The following MSL2 variants were observed in gnomAD, a reference collection of about 807,000 sequenced individuals.
MSL2 encodes the protein MSL complex subunit 2.
A neutral mutation model predicts 35.8 loss-of-function variants in MSL2; 2 were observed. The ratio of observed to expected loss-of-function variants is 0.06; its 90% CI spans 0.02 to 0.18. The LOEUF is 0.18. Among genes scored for constraint, MSL2 ranks in the 10% least tolerant of loss-of-function variants. The pLI, the probability that MSL2 is intolerant of heterozygous loss-of-function variation, is 1.00. For missense variants in MSL2, 523 were observed against 706.7 expected (o/e 0.74, Z 2.95); for synonymous variants, 296 against 255.7 (o/e 1.16, Z -1.50).
Position 136,151,964 on chromosome 3 carries a change from A to G in MSL2, c.917T>C (p.Leu306Pro), listed in dbSNP as rs371573341. Residue 306 changes from leucine (L) to proline (P), a missense_variant, in exon 2 of 2, where the codon CTT becomes CCT. Physicochemically the swap from Leu to Pro is moderately conservative, Grantham distance 98. Coordinates refer to ENST00000309993, the MANE Select transcript of MSL2 (RefSeq NM_018133.4). This position sits in a 1 kb window ranked among gnomAD's most constrained non-coding sequence, Gnocchi z 5.2. Reference protein sequence around the residue: ...ATVSNGPFLQLSSQSLSHNVF... With the variant: ...ATVSNGPFLQPSSQSLSHNVF... ...ATTATGGCTAAGAGACTGGGAAGAA[A>G]GCTGCAGAAAAGGTCCATTGGATAC... 5.0e-6 allele frequency: 8 copies of G among 1,614,262 alleles called. No homozygotes were observed. Among genetic ancestry groups the G allele is most frequent in the Non-Finnish European group, 6.8e-6 (8 of 1,180,050 alleles).
intron 1 of MSL2, among the ~76,000 whole-genome samples, chr3:136,180,323 T>C (rs553385240): frequency 6.6e-6 from 1 of 152,294 alleles, no homozygotes; most frequent in East Asian, 1.9e-4. Flanking sequence ...GAACAGTCTC[T>C]GGTCTCCAAA....
intron 1 of MSL2, among the ~76,000 whole-genome samples, chr3:136,171,002 C>A (rs1940010572): frequency 4.6e-5 from 7 of 152,126 alleles, no homozygotes. Flanking sequence ...ACTTTCTGTT[C>A]CATCCCGAAA....
At chr3:136,178,719 G>A (rs538923014) in intron 1 of MSL2, among the ~76,000 whole-genome samples, 1 of 142,550 alleles carries the variant, frequency 7.0e-6, no homozygotes, top group Admixed American at 7.2e-5. Context: ...ATTTTTAGTA[G>A]AGACGGGGTT....
intron 1 of MSL2, among the ~76,000 whole-genome samples, chr3:136,191,964 G>A (rs1940702173): frequency 6.6e-6 from 1 of 152,126 alleles, no homozygotes; most frequent in African/African-American, 2.4e-5. Context: ...TTCCTCTGAG[G>A]CTGTCATAAA....
chr3:136,159,122 G>A (rs1273287548), intron 1 of MSL2, among the ~76,000 whole-genome samples: 1 of 152,052 alleles, frequency 6.6e-6, no homozygotes, highest in Non-Finnish European at 1.5e-5. Flanking sequence ...TGGAATCACA[G>A]AGGACAGGCA....
At chr3:136,192,058 A>G (rs1402258122) in intron 1 of MSL2, among the ~76,000 whole-genome samples, 1 of 152,248 alleles carries the variant, frequency 6.6e-6, no homozygotes, top group Non-Finnish European at 1.5e-5. Context: ...TGTCTTCCCT[A>G]AAAAGTTTAT....
At chr3:136,189,046 G>A (rs894215129) in intron 1 of MSL2, among the ~76,000 whole-genome samples, 1 of 133,730 alleles carries the variant, frequency 7.5e-6, no homozygotes. Context: ...TTTTTCTTAG[G>A]AGATTTTCCT....
Position 136,195,565 on chromosome 3 carries a change from G to C in MSL2, c.-452C>G. 1 of 998,842 alleles carries C rather than the reference G, an allele frequency of 1.0e-6. No individual in the cohort carries two copies. Among genetic ancestry groups the C allele is most frequent in the Non-Finnish European group, 1.2e-6 (1 of 838,806 alleles). 61.9% of individuals were successfully genotyped at this position (998,842 alleles called of 1,614,324 possible). A position where few individuals can be genotyped will look rare whatever the true frequency, so the allele number is the denominator to read the frequency against. ...CTGAGGCGCGGCACGCTTCTCCCGG[G>C]CTGCAGGGCCTCTTACTCCATCCCA... is the stretch of plus-strand genomic sequence containing the variant. On this transcript the variant is annotated 5_prime_UTR_variant, in exon 1 of 2. Transcript: ENST00000309993.
chr3:136,157,188 G>A (rs1008427977), intron 1 of MSL2, among the ~76,000 whole-genome samples: 1 of 150,096 alleles, frequency 6.7e-6, no homozygotes, highest in African/African-American at 2.4e-5. Flanking sequence ...CACTTTGGGA[G>A]GCCAAGGTGG....
chr3:136,149,410 A>T lies in MSL2; in HGVS notation c.*1737T>A, dbSNP rs1263114462. 6.6e-6 allele frequency: 1 copy of T among 152,578 alleles called. No homozygotes were observed. Among genetic ancestry groups the T allele is most frequent in the Non-Finnish European group, 1.5e-5 (1 of 68,024 alleles). 9.5% of individuals were successfully genotyped at this position (152,578 alleles called of 1,614,324 possible). ...CTTAAAGGAATTAAATAAAATTCCA[A>T]ATCTTGGAAAGCAAATAAAGACAAG... On this transcript the variant is annotated 3_prime_UTR_variant, in exon 2 of 2. Coordinates refer to ENST00000309993, the MANE Select transcript of MSL2 (RefSeq NM_018133.4).
intron 1 of MSL2, among the ~76,000 whole-genome samples, chr3:136,189,292 C>T (rs2108095872): frequency 6.8e-6 from 1 of 146,558 alleles, no homozygotes; most frequent in African/African-American, 2.5e-5. Flanking sequence ...GAACAAGACC[C>T]TGTCTCGAGA....
At chr3:136,174,304 A>G (rs746900574) in intron 1 of MSL2, among the ~76,000 whole-genome samples, 1 of 152,220 alleles carries the variant, frequency 6.6e-6, no homozygotes, top group Non-Finnish European at 1.5e-5. Flanking sequence ...CATGGATTAC[A>G]TAACTGGGTA....
chr3:136,191,017 G>A (rs1363413149), intron 1 of MSL2, among the ~76,000 whole-genome samples: 1 of 152,152 alleles, frequency 6.6e-6, no homozygotes, highest in Non-Finnish European at 1.5e-5. Context: ...TAACAAAACT[G>A]TAACTGCAAT....
intron 1 of MSL2, among the ~76,000 whole-genome samples, chr3:136,193,032 C>CA (rs1357565760): frequency 6.6e-6 from 1 of 152,140 alleles, no homozygotes; most frequent in South Asian, 2.1e-4. Context: ...AAGCAGAACT[C>CA]ACGATCTTTT....
chr3:136,173,107 G>C (rs1940074349), intron 1 of MSL2, among the ~76,000 whole-genome samples: 1 of 152,134 alleles, frequency 6.6e-6, no homozygotes, highest in African/African-American at 2.4e-5. Flanking sequence ...AGGTTGCAGT[G>C]AGCTGAGATC....
chr3:136,177,518 C>CA (rs1028448337), intron 1 of MSL2, among the ~76,000 whole-genome samples: 6 of 151,274 alleles, frequency 4.0e-5, no homozygotes, highest in Non-Finnish European at 7.4e-5. Flanking sequence ...ACTAAAAATA[C>CA]AAAAAACAAA....
chr3:136,195,931 T>G lies in MSL2; in HGVS notation c.-818A>C. On this transcript the variant is annotated 5_prime_UTR_variant, in exon 1 of 2. Transcript: ENST00000309993. ...CGCCCCTCGCGCCTCAGTCGCACAC[T>G]CCGGGGTCACCAGACTCAAGCGCCG... 1.8e-6 allele frequency: 1 copy of G among 570,806 alleles called. No individual in the cohort carries two copies. The highest frequency in any genetic ancestry group is 8.7e-4 in the Middle Eastern group (1 of 1,150). The allele number at this position is 570,806 out of a possible 1,614,324, so 35.4% of individuals were successfully genotyped here.
At chr3:136,169,651 T>C (rs985930673) in intron 1 of MSL2, among the ~76,000 whole-genome samples, 1 of 152,024 alleles carries the variant, frequency 6.6e-6, no homozygotes, top group South Asian at 2.1e-4. Flanking sequence ...GGTTTCACCA[T>C]GTTGGCCAGG....
chr3:136,155,807 C>T (rs1029509284), intron 1 of MSL2: 15 of 572,920 alleles, frequency 2.6e-5, no homozygotes, highest in African/African-American at 5.6e-5. Flanking sequence ...CCGTGACACC[C>T]GGCTGCCCAA....
Sources: allele counts gnomAD v4.1 joint callset (sites outside exome capture counted in the v4.1 genomes callset), GRCh38; gene constraint gnomAD v4.1.1; non-coding constraint Gnocchi (gnomAD v3.1); transcripts MANE v1.5; gene names NCBI Gene and HGNC (gene_info 2026-07-23, HGNC 2026-07-21).